The following STXBP6 variants were observed in gnomAD, a reference collection of about 807,000 sequenced individuals.
STXBP6 encodes the protein syntaxin-binding protein 6.
A neutral mutation model predicts 26.9 loss-of-function variants in STXBP6; 21 were observed. The observed-to-expected ratio is 0.78, with a 90% CI of 0.55 to 1.12. The LOEUF (loss-of-function observed/expected upper bound fraction) is 1.12, where lower values mean the gene tolerates loss of function less well. Ranked by LOEUF, STXBP6 falls within the 50% of genes most tolerant of loss-of-function variation. The pLI is 0.00. For missense variants in STXBP6, 232 were observed against 257.9 expected, an observed-to-expected ratio of 0.90 and a Z score of 0.69; for synonymous variants, 97 against 92.6, an observed-to-expected ratio of 1.05 and a Z score of -0.27.
intron 2 of STXBP6, among the ~76,000 whole-genome samples, chr14:24,932,691 A>T (rs1421154864): frequency 1.3e-5 from 2 of 152,120 alleles, no homozygotes; most frequent in Non-Finnish European, 2.9e-5. Context: ...AGTTAAATGG[A>T]TAGAAAGGGG....
At chr14:24,905,663 A>T (rs2071361868) in intron 2 of STXBP6, among the ~76,000 whole-genome samples, 1 of 152,216 alleles carries the variant, frequency 6.6e-6, no homozygotes, top group African/African-American at 2.4e-5. Context: ...TGCATATTGT[A>T]CAATCCTCTC....
chr14:24,826,189 G>T (rs746653973), intron 4 of STXBP6, among the ~76,000 whole-genome samples: 17 of 152,112 alleles, frequency 1.1e-4, no homozygotes. Context: ...AATGCTACTG[G>T]TTAAAAAGCA....
intron 2 of STXBP6, among the ~76,000 whole-genome samples, chr14:24,913,963 G>A (rs2071665378): frequency 6.6e-6 from 1 of 152,142 alleles, no homozygotes. Context: ...TGTTTTAGAT[G>A]TCAATGTGTC....
At chr14:24,977,571 T>G (rs1424377219) in intron 1 of STXBP6, among the ~76,000 whole-genome samples, 1 of 152,134 alleles carries the variant, frequency 6.6e-6, no homozygotes. Flanking sequence ...GACCCTTAGT[T>G]TATTAACTAC....
rs1040524899 is a variant in STXBP6 at position 24,858,614 on chromosome 14, G to A, written c.155-1457C>T. ...TTTATAGTCTTCTATTCACAAATAG[G>A]AACAACCATTCCCTCTAATTGAATT... is the stretch of plus-strand genomic sequence containing the variant. On this transcript the variant is annotated intron_variant, in intron 2 of 5. Coordinates refer to ENST00000323944, the MANE Select transcript of STXBP6 (RefSeq NM_001394410.1). Among the ~76,000 whole-genome samples the A allele has an allele frequency of 6.6e-5, 10 of 151,968 alleles. No individual in the cohort carries two copies. In the East Asian group the frequency reaches 1.9e-3, roughly 29 times the overall value.
Position 25,033,562 on chromosome 14 carries a change from C to T in STXBP6, c.-33+16316G>A, listed in dbSNP as rs928182801. ...GAGGGCTTCTGCCCCTTGCTCATAC[C>T]AAGGTCCTTCCTACCTCAGGGCCTT... On this transcript the variant is annotated intron_variant, in intron 1 of 5. Coordinates refer to ENST00000323944, the MANE Select transcript of STXBP6 (RefSeq NM_001394410.1). Among the ~76,000 whole-genome samples the T allele has an allele frequency of 2.6e-5, 4 of 152,110 alleles. No individual in the cohort carries two copies. The South Asian group carries it at 8.3e-4, about 32-fold the overall frequency.
chr14:24,828,136 C>T (rs1415564957), intron 4 of STXBP6, among the ~76,000 whole-genome samples: 1 of 151,808 alleles, frequency 6.6e-6, no homozygotes, highest in African/African-American at 2.4e-5. Flanking sequence ...CTTTGGGAAG[C>T]AGCAGATTCC....
At chr14:24,945,042 C>A (rs1440514574) in intron 2 of STXBP6, among the ~76,000 whole-genome samples, 1 of 150,140 alleles carries the variant, frequency 6.7e-6, no homozygotes, top group South Asian at 2.1e-4. Context: ...CTAATCCATG[C>A]GTGATGTCTT....
At position 24,897,565 on chromosome 14, in the gene STXBP6, G is replaced by A. The variant is rs578252583; in HGVS notation, c.155-40408C>T. Among the ~76,000 whole-genome samples, 103 of 152,200 alleles carry A rather than the reference G, an allele frequency of 6.8e-4. 1 individual carries two copies. The highest frequency in any genetic ancestry group is 2.4e-3 in the African/African-American group (101 of 41,518). On this transcript the variant is annotated intron_variant, in intron 2 of 5. Coordinates refer to ENST00000323944, the MANE Select transcript of STXBP6 (RefSeq NM_001394410.1). ...ATTAATGTGTTTGAGTAGGGGTGCT[G>A]CATTGAACCCCACCTGGAGATGTTA...
At chr14:24,891,379 G>A (rs973844470) in intron 2 of STXBP6, among the ~76,000 whole-genome samples, 5 of 152,138 alleles carry the variant, frequency 3.3e-5, no homozygotes, top group African/African-American at 7.2e-5. Context: ...TGAATACTCA[G>A]TTCATATCCT....
At chr14:25,006,875 A>AATGC (rs1443521099) in intron 1 of STXBP6, among the ~76,000 whole-genome samples, 3 of 151,458 alleles carry the variant, frequency 2.0e-5, no homozygotes, top group African/African-American at 7.3e-5. Flanking sequence ...AGCATATTTT[A>AATGC]CTTCAAAGGC....
chr14:24,890,910 C>A (rs1310318438), intron 2 of STXBP6, among the ~76,000 whole-genome samples: 1 of 152,202 alleles, frequency 6.6e-6, no homozygotes, highest in Non-Finnish European at 1.5e-5. Context: ...CTATACCCAG[C>A]CAAGCTAACA....
At chr14:25,004,159 A>G (rs968968425) in intron 1 of STXBP6, among the ~76,000 whole-genome samples, 4 of 152,228 alleles carry the variant, frequency 2.6e-5, no homozygotes, top group African/African-American at 9.6e-5. Context: ...TGATCCTCAA[A>G]TTCTAACTTG....
At chr14:24,931,901 T>G (rs1031823685) in intron 2 of STXBP6, among the ~76,000 whole-genome samples, 2 of 151,926 alleles carry the variant, frequency 1.3e-5, no homozygotes, top group Non-Finnish European at 2.9e-5. Flanking sequence ...GCTAACAAAA[T>G]ACACAAGGAC....
At chr14:24,826,242 G>A (rs753884183) in intron 4 of STXBP6, among the ~76,000 whole-genome samples, 2 of 152,144 alleles carry the variant, frequency 1.3e-5, no homozygotes, top group Non-Finnish European at 2.9e-5. Flanking sequence ...TGTGTGACCT[G>A]AACAAATTAC....
At chr14:25,032,203 A>G (rs1243706953) in intron 1 of STXBP6, among the ~76,000 whole-genome samples, 3 of 152,156 alleles carry the variant, frequency 2.0e-5, no homozygotes, top group Admixed American at 6.5e-5. Context: ...TGCAGAGAGA[A>G]AGCACTGCAG....
chr14:24,861,533 T>C (rs2069536879), intron 2 of STXBP6, among the ~76,000 whole-genome samples: 1 of 152,190 alleles, frequency 6.6e-6, no homozygotes, highest in South Asian at 2.1e-4. Flanking sequence ...CTCTAGTGTA[T>C]GATAATTCTG....
At chr14:25,019,773 G>A (rs1386733683) in intron 1 of STXBP6, among the ~76,000 whole-genome samples, 1 of 151,766 alleles carries the variant, frequency 6.6e-6, no homozygotes, top group Non-Finnish European at 1.5e-5. Context: ...ATAGATTTCT[G>A]CATATTGACT....
chr14:24,889,854 A>T (rs1014918430), intron 2 of STXBP6, among the ~76,000 whole-genome samples: 1 of 152,244 alleles, frequency 6.6e-6, no homozygotes, highest in Non-Finnish European at 1.5e-5. Flanking sequence ...CATACATTAA[A>T]TAACATAATC....
Sources: gnomAD v4.1 joint callset for allele counts (sites outside exome capture counted in the v4.1 genomes callset) on GRCh38, gnomAD v4.1.1 for gene constraint, MANE v1.5 for transcripts, NCBI Gene and HGNC (gene_info 2026-07-23, HGNC 2026-07-21) for gene names.